The following WDFY3 variants were observed in gnomAD, a reference collection of about 807,000 sequenced individuals.
WDFY3 encodes the protein WD repeat and FYVE domain containing 3.
Under a neutral mutation model 409.6 loss-of-function variants are expected in WDFY3, and 66 were observed. That is an observed-to-expected ratio of 0.16 (90% CI 0.13 to 0.20). The LOEUF is 0.20. WDFY3 is among the 10% of genes least tolerant of loss of function. The probability of loss-of-function intolerance (pLI) is 1.00; values close to 1 mark genes in which losing one functional copy is unlikely to be tolerated. For missense variants in WDFY3, 3,031 were observed against 4,298.1 expected, an observed-to-expected ratio of 0.71 and a Z score of 8.24; for synonymous variants, 1,521 against 1,537.1, an observed-to-expected ratio of 0.99 and a Z score of 0.25.
intron 36 of WDFY3, among the ~76,000 whole-genome samples, chr4:84,750,200 T>C (rs539122843): frequency 1.3e-5 from 2 of 152,208 alleles, no homozygotes; most frequent in Admixed American, 6.5e-5. Flanking sequence ...GTCATCTCTC[T>C]TAGAGCTTTT....
chr4:84,690,708 T>C (rs1166707080), intron 60 of WDFY3, 44 bp from the exon 61 acceptor site: 3 of 1,544,400 alleles, frequency 1.9e-6, no homozygotes, highest in African/African-American at 2.7e-5. Flanking sequence ...CGTTAAGTAC[T>C]ATACAAACTT....
intron 53 of WDFY3, among the ~76,000 whole-genome samples, chr4:84,706,652 G>A (rs1393710378): frequency 1.3e-5 from 2 of 152,022 alleles, no homozygotes; most frequent in Non-Finnish European, 2.9e-5. Flanking sequence ...CCCCATCACC[G>A]GGCTGGTACT....
chr4:84,853,892 C>A (rs923589990), intron 4 of WDFY3, among the ~76,000 whole-genome samples: 21 of 152,194 alleles, frequency 1.4e-4, no homozygotes, highest in African/African-American at 4.8e-4. Flanking sequence ...TATCGACTTC[C>A]TAGTATATGT....
At chr4:84,918,806 T>TGC (rs1768851319) in intron 2 of WDFY3, among the ~76,000 whole-genome samples, 1 of 136,066 alleles carries the variant, frequency 7.3e-6, no homozygotes, top group Admixed American at 8.1e-5. Context: ...CGCATATTTG[T>TGC]GTGTGTGTGT....
At chr4:84,946,065 C>T (rs543312095) in intron 1 of WDFY3, among the ~76,000 whole-genome samples, 1 of 152,196 alleles carries the variant, frequency 6.6e-6, no homozygotes, top group African/African-American at 2.4e-5. Context: ...CAGTGCCGTA[C>T]ACAGTGTTAA....
chr4:84,765,416 CAG>C (rs1158542251), intron 32 of WDFY3, among the ~76,000 whole-genome samples: 1 of 152,106 alleles, frequency 6.6e-6, no homozygotes, highest in African/African-American at 2.4e-5. Context: ...TTGCACCTCA[CAG>C]AGTTATTGTG....
chr4:84,913,434 G>C (rs1303026403), intron 2 of WDFY3, among the ~76,000 whole-genome samples: 2 of 152,144 alleles, frequency 1.3e-5, no homozygotes, highest in Admixed American at 6.5e-5. Context: ...AGAGACTGCA[G>C]ATACAGCAAA....
At chr4:84,778,201 C>T (rs1745882455) in intron 27 of WDFY3, among the ~76,000 whole-genome samples, 1 of 152,122 alleles carries the variant, frequency 6.6e-6, no homozygotes, top group Non-Finnish European at 1.5e-5. Context: ...GAAAAAGTTT[C>T]TATCAGAATT....
chr4:84,726,770 T>A, intron 45 of WDFY3, 91 bp downstream of exon 45: 1 of 1,110,328 alleles, frequency 9.0e-7, no homozygotes, highest in Non-Finnish European at 1.3e-6. Context: ...TTTAAGTTAG[T>A]CTAGTCTACC....
intron 3 of WDFY3, among the ~76,000 whole-genome samples, chr4:84,888,786 T>G (rs1446772330): frequency 6.6e-6 from 1 of 151,912 alleles, no homozygotes; most frequent in East Asian, 1.9e-4. Flanking sequence ...CTAACCAAGG[T>G]GAGAATATTT....
chr4:84,904,543 A>T (rs1366039421), intron 2 of WDFY3, among the ~76,000 whole-genome samples: 1 of 152,196 alleles, frequency 6.6e-6, no homozygotes, highest in Non-Finnish European at 1.5e-5. Flanking sequence ...AAAAATTTTT[A>T]AAAATAAATA....
chr4:84,849,079 C>A (rs908132312), intron 5 of WDFY3, among the ~76,000 whole-genome samples: 2 of 152,100 alleles, frequency 1.3e-5, no homozygotes, highest in African/African-American at 4.8e-5. Context: ...CCCCTGTATC[C>A]TTTTTTATAA....
intron 21 of WDFY3, among the ~76,000 whole-genome samples, chr4:84,791,904 T>C (rs1748602594): frequency 6.6e-6 from 1 of 152,224 alleles, no homozygotes; most frequent in African/African-American, 2.4e-5. Flanking sequence ...ATTAATTTAA[T>C]TTTATTGTTA....
intron 3 of WDFY3, among the ~76,000 whole-genome samples, chr4:84,896,246 C>T (rs1344429269): frequency 1.3e-5 from 2 of 151,784 alleles, no homozygotes; most frequent in East Asian, 1.9e-4. Flanking sequence ...CAGAGCGACA[C>T]TACATCTCAA....
intron 3 of WDFY3, among the ~76,000 whole-genome samples, chr4:84,896,023 C>T (rs1442863926): frequency 1.3e-5 from 2 of 151,878 alleles, no homozygotes; most frequent in African/African-American, 2.4e-5. Flanking sequence ...TTTGGGAGGC[C>T]GAGGGGGACG....
chr4:84,884,738 A>T (rs1164123690), intron 3 of WDFY3, among the ~76,000 whole-genome samples: 1 of 152,202 alleles, frequency 6.6e-6, no homozygotes, highest in African/African-American at 2.4e-5. Flanking sequence ...GAATGGTATA[A>T]CAACAAACTG....
intron 10 of WDFY3, among the ~76,000 whole-genome samples, chr4:84,826,330 C>G (rs553290853): frequency 5.3e-5 from 8 of 151,984 alleles, no homozygotes; most frequent in African/African-American, 1.7e-4. Flanking sequence ...TATGGGAAGA[C>G]GTGTAGGTTA....
intron 2 of WDFY3, among the ~76,000 whole-genome samples, chr4:84,912,685 T>C (rs754140638): frequency 6.6e-5 from 10 of 151,830 alleles, no homozygotes; most frequent in Non-Finnish European, 1.5e-4. Flanking sequence ...TTAAAAAAAA[T>C]CACTGAGGAT....
rs761434281 is a variant in WDFY3, at chr4:84,808,318, C to G, written c.2429+16G>C. On this transcript the variant is annotated intron_variant, in intron 15 of 67. Coordinates refer to ENST00000295888, the MANE Select transcript of WDFY3 (RefSeq NM_014991.6). ...CCCACACAAATAGAGACTGACTTCT[C>G]TTATATGATCAGTACCTTTTCCTGG... The G allele has an allele frequency of 3.1e-6, 5 of 1,605,534 alleles. No individual in the cohort carries two copies. The South Asian group carries it at 5.5e-5, about 18-fold the overall frequency.
Sources: allele counts gnomAD v4.1 joint callset (sites outside exome capture counted in the v4.1 genomes callset), GRCh38; gene constraint gnomAD v4.1.1; transcripts MANE v1.5; gene names NCBI Gene and HGNC (gene_info 2026-07-23, HGNC 2026-07-21).